ARHGAP19: variants seen among roughly 807,000 people sequenced by gnomAD.
ARHGAP19 encodes the protein Rho GTPase activating protein 19.
In ARHGAP19, 48 loss-of-function variants were observed where a neutral mutation model predicts 60.9. The ratio of observed to expected loss-of-function variants is 0.79; its 90% CI spans 0.62 to 1.00. The LOEUF (loss-of-function observed/expected upper bound fraction) is 1.00. Among genes scored for constraint, ARHGAP19 ranks in the 50% least tolerant of loss-of-function variants. The probability of loss-of-function intolerance (pLI) is 0.00; values close to 1 mark genes in which losing one functional copy is unlikely to be tolerated. For synonymous variants in ARHGAP19, 209 were observed against 215.5 expected (o/e 0.97, Z 0.27); for missense variants, 562 against 597.2 (o/e 0.94, Z 0.61).
At chr10:97,273,120 G>T (rs10466168) in intron 1 of ARHGAP19, among the ~76,000 whole-genome samples, 1 of 151,946 alleles carries the variant, frequency 6.6e-6, no homozygotes, top group Admixed American at 6.6e-5. Flanking sequence ...GATTACAGGC[G>T]TGAGCCACAG....
chr10:97,290,476 G>GT (rs1843216856), intron 1 of ARHGAP19, among the ~76,000 whole-genome samples: 1 of 152,148 alleles, frequency 6.6e-6, no homozygotes, highest in South Asian at 2.1e-4. Flanking sequence ...TAATAGAGCT[G>GT]TAACACTCAC....
intron 2 of ARHGAP19, 128 bp from the exon 3 acceptor site, chr10:97,265,034 CCT>C: frequency 2.9e-6 from 2 of 689,516 alleles, no homozygotes; most frequent in South Asian, 3.7e-5. Context: ...TAAACAAAAA[CCT>C]TAGAACTGGA....
At chr10:97,226,929 A>G (rs148834885) in intron 11 of ARHGAP19, among the ~76,000 whole-genome samples, 1 of 152,338 alleles carries the variant, frequency 6.6e-6, no homozygotes, top group Non-Finnish European at 1.5e-5. Context: ...TCTCATGTGG[A>G]GATGACTTTG....
rs1259177553 is a variant in ARHGAP19 at position 97,244,000 on chromosome 10, C to A, written c.1153G>T (p.Glu385Ter). The A allele has an allele frequency of 6.2e-7, 1 of 1,611,532 alleles. No homozygotes were observed. Among genetic ancestry groups the A allele is most frequent in the Non-Finnish European group, 8.5e-7 (1 of 1,179,308 alleles). Residue 385 changes from glutamate to a stop codon, truncating the protein, a stop_gained, in exon 8 of 12, where the codon GAG becomes TAG. Transcript: ENST00000358531. LOFTEE classifies it high-confidence loss of function. ...ATAAGTTGTTTCTTCTTTGCTGACTCTGGCATATCATGAACGTGTTGAAAC... is the reference window on the plus strand; with the variant it reads ...ATAAGTTGTTTCTTCTTTGCTGACTATGGCATATCATGAACGTGTTGAAAC... ...ELFQHVHDMP[E>*]SAKKKQLIRQ...
rs1275395045 is a variant in ARHGAP19 at position 97,288,807 on chromosome 10, T to TC, written c.56+3764dup. 2.8e-3 allele frequency among the ~76,000 whole-genome samples: 400 copies of TC among 142,096 alleles called. 3 individuals are homozygous for TC. The highest frequency in any genetic ancestry group is 0.01 in the African/African-American group (376 of 37,506). 93.2% of individuals were successfully genotyped at this position (142,096 alleles called of 152,430 possible). ...GCCTTACAGAAACCCCAAACTTCTC[T>TC]CCTTTTTTTTTTTTTTTTTTTTTTT... On this transcript the variant is annotated intron_variant, in intron 1 of 11. Transcript: ENST00000358531.
chr10:97,283,460 AG>A (rs1216134654), intron 1 of ARHGAP19, among the ~76,000 whole-genome samples: 1 of 151,988 alleles, frequency 6.6e-6, no homozygotes, highest in Non-Finnish European at 1.5e-5. Context: ...AGGCCGAGGC[AG>A]GAGAACTGCT....
intron 9 of ARHGAP19, among the ~76,000 whole-genome samples, chr10:97,233,866 T>C (rs1194664582): frequency 1.0e-5 from 1 of 95,746 alleles, no homozygotes; most frequent in Non-Finnish European, 2.0e-5. Context: ...AGACTCCATC[T>C]AAAAAAAAAA....
intron 1 of ARHGAP19, among the ~76,000 whole-genome samples, chr10:97,283,798 C>T (rs186710045): frequency 5.5e-5 from 8 of 145,402 alleles, no homozygotes; most frequent in Non-Finnish European, 7.5e-5. Flanking sequence ...AGTTTGAGAC[C>T]GCCTAGACAA....
intron 6 of ARHGAP19, among the ~76,000 whole-genome samples, chr10:97,253,155 G>A (rs760534882): frequency 1.3e-5 from 2 of 152,130 alleles, no homozygotes; most frequent in East Asian, 1.9e-4. Flanking sequence ...TTGGGAGGCC[G>A]AGGCGGGCGG....
At chr10:97,247,987 ACGGAGTCTCACTC>A (rs1842587448) in intron 6 of ARHGAP19, among the ~76,000 whole-genome samples, 1 of 128,774 alleles carries the variant, frequency 7.8e-6, no homozygotes. Context: ...TTTTTTTGAG[ACGGAGTCTCACTC>A]TCTCGCCCAG....
chr10:97,246,665 C>T (rs1407259680), intron 6 of ARHGAP19, among the ~76,000 whole-genome samples: 3 of 152,260 alleles, frequency 2.0e-5, no homozygotes, highest in African/African-American at 7.2e-5. Context: ...AAAACCACCC[C>T]CTCAAATCCT....
At position 97,225,492 on chromosome 10, in the gene ARHGAP19, AT is replaced by A. The variant is rs1850878959; in HGVS notation, c.*629del. 6.6e-6 allele frequency: 1 copy of A among 152,222 alleles called. No homozygotes were observed. Among genetic ancestry groups the A allele is most frequent in the South Asian group, 2.1e-4 (1 of 4,832 alleles). 9.4% of individuals were successfully genotyped at this position (152,222 alleles called of 1,614,324 possible). On this transcript the variant is annotated 3_prime_UTR_variant, in exon 12 of 12. Transcript: ENST00000358531. Reference sequence around the variant, plus strand: ...AATACTCTGATGTCACACCCAAGAAATAATAAAAAATGTCCAGAAAAGCTAT... The same window carrying A: ...AATACTCTGATGTCACACCCAAGAAAAATAAAAAATGTCCAGAAAAGCTAT...
Position 97,244,174 on chromosome 10 carries a change from A to G in ARHGAP19, c.994-15T>C. 1 of 1,568,166 alleles carries G rather than the reference A, an allele frequency of 6.4e-7. No individual in the cohort carries two copies. The highest frequency in any genetic ancestry group is 8.6e-7 in the Non-Finnish European group (1 of 1,159,592). On this transcript the variant is annotated splice_polypyrimidine_tract_variant and intron_variant, in intron 7 of 11. Transcript: ENST00000358531. ...TCAAGGTCATCCTAAGGAAAATTTAAAAGAAGAGTAAATTAATATATCCTG... is the reference window on the plus strand; with the variant it reads ...TCAAGGTCATCCTAAGGAAAATTTAGAAGAAGAGTAAATTAATATATCCTG...
At chr10:97,228,223 C>A (rs1850934049) in intron 11 of ARHGAP19, among the ~76,000 whole-genome samples, 2 of 152,264 alleles carry the variant, frequency 1.3e-5, no homozygotes, top group South Asian at 2.1e-4. Flanking sequence ...TGATCTCTGC[C>A]TATTGCTGAT....
chr10:97,283,740 A>ATCCCAGC (rs1843117697), intron 1 of ARHGAP19, among the ~76,000 whole-genome samples: 1 of 150,972 alleles, frequency 6.6e-6, no homozygotes, highest in Admixed American at 6.6e-5. Context: ...CACACCTGTA[A>ATCCCAGC]TCCCAGCACT....
At chr10:97,236,045 G>A (rs1842373461) in intron 8 of ARHGAP19, among the ~76,000 whole-genome samples, 1 of 152,016 alleles carries the variant, frequency 6.6e-6, no homozygotes, top group South Asian at 2.1e-4. Flanking sequence ...GCACAATCTC[G>A]GCTCACTGCA....
chr10:97,292,271 C>G (rs373175101), intron 1 of ARHGAP19, among the ~76,000 whole-genome samples: 224 of 152,330 alleles, frequency 1.5e-3, no homozygotes, highest in African/African-American at 5.3e-3. Flanking sequence ...TCCGTTTCCT[C>G]GCCATCAAGA....
chr10:97,291,176 A>G (rs1009625465), intron 1 of ARHGAP19, among the ~76,000 whole-genome samples: 23 of 152,144 alleles, frequency 1.5e-4, no homozygotes, highest in African/African-American at 5.6e-4. Flanking sequence ...CAGGCATTAG[A>G]GCCAGCAACG....
At chr10:97,265,811 C>T in intron 2 of ARHGAP19, 49 bp downstream of exon 2, 1 of 1,585,688 alleles carries the variant, frequency 6.3e-7, no homozygotes, top group South Asian at 1.1e-5. Flanking sequence ...GAGAGAGAAG[C>T]CCAGGGAGCA....
Sources: gnomAD v4.1 joint callset for allele counts (sites outside exome capture counted in the v4.1 genomes callset) on GRCh38, gnomAD v4.1.1 for gene constraint, MANE v1.5 for transcripts, NCBI Gene and HGNC (gene_info 2026-07-23, HGNC 2026-07-21) for gene names.